HDLBP: variants seen among roughly 807,000 people sequenced by gnomAD.
The protein encoded by HDLBP is vigilin.
HDLBP carries 30 observed loss-of-function variants against 137.3 expected under a neutral mutation model. That is an observed-to-expected ratio of 0.22 (90% CI 0.16 to 0.30). The LOEUF (loss-of-function observed/expected upper bound fraction) is 0.30, where lower values mean the gene tolerates loss of function less well. Among genes scored for constraint, HDLBP ranks in the 10% least tolerant of loss-of-function variants. The pLI is 1.00. For synonymous variants in HDLBP, 606 were observed against 596.0 expected (o/e 1.02, Z -0.24); for missense variants, 1,119 against 1,667.3 (o/e 0.67, Z 5.73).
At chr2:241,259,052 A>G (rs934894156) in intron 5 of HDLBP, among the ~76,000 whole-genome samples, 2 of 152,264 alleles carry the variant, frequency 1.3e-5, no homozygotes, top group Admixed American at 1.3e-4. Flanking sequence ...TAACAGCTAA[A>G]GTCTGGAAAC....
At chr2:241,263,894 T>A (rs1449785156) in intron 4 of HDLBP, among the ~76,000 whole-genome samples, 1 of 151,752 alleles carries the variant, frequency 6.6e-6, no homozygotes, top group Non-Finnish European at 1.5e-5. Context: ...GCATACAGGG[T>A]GGACATGAGA....
rs764611272 is a variant in HDLBP, at chr2:241,235,260, G to A, written c.3010-5C>T. The A allele has an allele frequency of 2.2e-5, 36 of 1,614,056 alleles. No individual in the cohort carries two copies. The highest frequency in any genetic ancestry group is 2.7e-5 in the Non-Finnish European group (32 of 1,180,042). ...TGCCGGGACATGTATGTTCACCTACGTGAAGAGGGGGCTGACTTGACGTTC... is the reference window on the plus strand; with the variant it reads ...TGCCGGGACATGTATGTTCACCTACATGAAGAGGGGGCTGACTTGACGTTC... On this transcript the variant is annotated splice_region_variant and splice_polypyrimidine_tract_variant and intron_variant, in intron 22 of 27. Transcript: ENST00000310931.
In HDLBP at chr2:241,272,380, C is replaced by T; in HGVS notation, c.-102-3839G>A. Reference sequence around the variant, plus strand: ...AGCGACCTGGGCTCAGGTCGGCCGCCCCTCCGCGCCGTGCGGCCACGGCAC... The same window carrying T: ...AGCGACCTGGGCTCAGGTCGGCCGCTCCTCCGCGCCGTGCGGCCACGGCAC... On this transcript the variant is annotated intron_variant, in intron 1 of 27. Transcript: ENST00000310931. The surrounding 1 kb of genome is among the most constrained non-coding windows in gnomAD (Gnocchi z 5.6). 1.0e-6 allele frequency: 1 copy of T among 984,854 alleles called. No homozygotes were observed. Among genetic ancestry groups the T allele is most frequent in the Non-Finnish European group, 1.2e-6 (1 of 829,702 alleles). The allele number at this position is 984,854 out of a possible 1,614,324, so 61.0% of individuals were successfully genotyped here.
chr2:241,306,723 C>T (rs1187198066), intron 1 of HDLBP, among the ~76,000 whole-genome samples: 1 of 151,754 alleles, frequency 6.6e-6, no homozygotes, highest in African/African-American at 2.4e-5. Flanking sequence ...GCCTGGCCAA[C>T]ACGGCAAAAC....
In HDLBP at chr2:241,229,945, TCCA is replaced by T. The variant is rs1171009287; in HGVS notation, c.3605_3607del (p.Val1202del). Reference sequence around the variant, plus strand: ...CATGTATACCTGCAGCGCCTCACTGTCCACCACGTCAGCTAGCTGCAGGCAGAA... The same window carrying T: ...CATGTATACCTGCAGCGCCTCACTGTCCACGTCAGCTAGCTGCAGGCAGAA... On this transcript the variant is annotated inframe_deletion, in exon 27 of 28. Transcript: ENST00000310931. 5 of 1,601,652 alleles carry T rather than the reference TCCA, an allele frequency of 3.1e-6. No homozygotes were observed. The highest frequency in any genetic ancestry group is 2.7e-5 in the African/African-American group (2 of 74,656).
chr2:241,282,340 A>T (rs182730862), intron 1 of HDLBP, among the ~76,000 whole-genome samples: 25 of 152,356 alleles, frequency 1.6e-4, no homozygotes, highest in Non-Finnish European at 8.8e-5. Flanking sequence ...AAATCTGAAG[A>T]CTCAAAAAAA....
intron 1 of HDLBP, among the ~76,000 whole-genome samples, chr2:241,302,936 G>GT (rs1309975507): frequency 1.3e-5 from 2 of 152,194 alleles, no homozygotes; most frequent in African/African-American, 2.4e-5. Flanking sequence ...CTGGCCCGAG[G>GT]TAAGAGAGTC....
chr2:241,288,208 T>C (rs972844102), intron 1 of HDLBP, among the ~76,000 whole-genome samples: 11 of 152,246 alleles, frequency 7.2e-5, no homozygotes, highest in African/African-American at 1.2e-4. Flanking sequence ...GCTATTCTCA[T>C]TACAATTGCC....
chr2:241,229,534 T>C lies in HDLBP; in HGVS notation c.*67A>G. 8.3e-7 allele frequency: 1 copy of C among 1,199,764 alleles called. No homozygotes were observed. The highest frequency in any genetic ancestry group is 1.2e-6 in the Non-Finnish European group (1 of 815,298). The allele number at this position is 1,199,764 out of a possible 1,614,324, so 74.3% of individuals were successfully genotyped here. A position where few individuals can be genotyped will look rare whatever the true frequency, so the allele number is the denominator to read the frequency against. On this transcript the variant is annotated 3_prime_UTR_variant, in exon 28 of 28. Coordinates refer to ENST00000310931, the MANE Select transcript of HDLBP (RefSeq NM_005336.6). The stretch of plus-strand genomic sequence containing the variant: ...GGAGGGTCCAGCCGCTGGGTCAGAT[T>C]GAGACAAACCATTGTGTGGTTGGGT...
At chr2:241,247,503 T>C in intron 14 of HDLBP, 1 of 294,720 alleles carries the variant, frequency 3.4e-6, no homozygotes, top group Non-Finnish European at 6.4e-6. Context: ...AGTGCTGGAG[T>C]CCTTCACCAT....
chr2:241,276,731 CT>C (rs920182613), intron 1 of HDLBP, among the ~76,000 whole-genome samples: 2 of 152,040 alleles, frequency 1.3e-5, no homozygotes, highest in African/African-American at 4.8e-5. Context: ...AGGTCAAGAA[CT>C]TAAAAATTCA....
intron 3 of HDLBP, chr2:241,266,529 T>G: frequency 2.3e-6 from 1 of 436,412 alleles, no homozygotes; most frequent in Non-Finnish European, 4.1e-6. Context: ...AAGGACTGCA[T>G]TAATTACCAA....
chr2:241,257,269 T>C (rs1355976305), intron 5 of HDLBP, among the ~76,000 whole-genome samples: 1 of 152,252 alleles, frequency 6.6e-6, no homozygotes, highest in African/African-American at 2.4e-5. Flanking sequence ...AGTCTCGCTC[T>C]GACGTCAGGC....
chr2:241,241,958 A>C (rs921522598), intron 17 of HDLBP, among the ~76,000 whole-genome samples: 4 of 152,250 alleles, frequency 2.6e-5, no homozygotes, highest in African/African-American at 9.6e-5. Context: ...CAGGCTGATC[A>C]GCAAGGGGTG....
At chr2:241,298,373 A>G (rs1302691766) in intron 1 of HDLBP, among the ~76,000 whole-genome samples, 1 of 152,014 alleles carries the variant, frequency 6.6e-6, no homozygotes, top group Non-Finnish European at 1.5e-5. Context: ...CTGAAAAAAT[A>G]ATAATAATGA....
intron 1 of HDLBP, among the ~76,000 whole-genome samples, chr2:241,285,033 G>A (rs559710748): frequency 7.2e-5 from 11 of 152,200 alleles, no homozygotes; most frequent in Admixed American, 3.9e-4. Flanking sequence ...GGTGTGCTCC[G>A]CCACACCCAG....
intron 1 of HDLBP, among the ~76,000 whole-genome samples, chr2:241,295,317 T>A (rs2075137515): frequency 6.6e-6 from 1 of 152,232 alleles, no homozygotes; most frequent in South Asian, 2.1e-4. Flanking sequence ...AAGATGTTAC[T>A]ATTGTCAAAG....
chr2:241,243,302 A>T (rs1574892657), intron 16 of HDLBP, among the ~76,000 whole-genome samples: 1 of 152,214 alleles, frequency 6.6e-6, no homozygotes, highest in East Asian at 1.9e-4. Flanking sequence ...AGCCACTCAT[A>T]TACTGATACG....
At chr2:241,284,410 A>G (rs1456614296) in intron 1 of HDLBP, among the ~76,000 whole-genome samples, 1 of 152,212 alleles carries the variant, frequency 6.6e-6, no homozygotes, top group East Asian at 1.9e-4. Flanking sequence ...ATGGGACTGA[A>G]TTGCTGCAAT....
Sources: gnomAD v4.1 joint callset for allele counts (sites outside exome capture counted in the v4.1 genomes callset) on GRCh38, gnomAD v4.1.1 for gene constraint, Gnocchi (gnomAD v3.1) non-coding constraint, MANE v1.5 for transcripts, NCBI Gene and HGNC (gene_info 2026-07-23, HGNC 2026-07-21) for gene names.